Variants in DOCK8 observed in about 807,000 individuals in gnomAD.
DOCK8 encodes the protein dedicator of cytokinesis 8, also known as dedicator of cytokinesis protein 8.
DOCK8 carries 141 observed loss-of-function variants against 245.6 expected under a neutral mutation model. That is an observed-to-expected ratio of 0.57 (90% confidence interval 0.50 to 0.66). DOCK8 has a LOEUF of 0.66. Among genes scored for constraint, DOCK8 ranks in the 30% least tolerant of loss-of-function variants. The probability of loss-of-function intolerance (pLI) is 0.00; values close to 1 mark genes in which losing one functional copy is unlikely to be tolerated. For missense variants in DOCK8, 2,965 were observed against 2,603.4 expected (o/e 1.14, Z -3.02); for synonymous variants, 1,168 against 970.2 (o/e 1.20, Z -3.79).
At chr9:461,626 C>T (rs2057809333) in intron 46 of DOCK8, among the ~76,000 whole-genome samples, 2 of 148,908 alleles carry the variant, frequency 1.3e-5, no homozygotes, top group Admixed American at 6.7e-5. Flanking sequence ...ACTGCAACCT[C>T]CACCTCCCAG....
At chr9:214,657 G>C (rs369454345), upstream of DOCK8, 16 of 1,606,348 alleles carry the variant, frequency 1.0e-5, no homozygotes, top group Non-Finnish European at 1.4e-5. Flanking sequence ...CGCTCCCTTC[G>C]GCCGGAGGTC....
At chr9:234,611 T>C (rs532946883) in intron 1 of DOCK8, among the ~76,000 whole-genome samples, 92 of 152,342 alleles carry the variant, frequency 6.0e-4, no homozygotes, top group African/African-American at 2.2e-3. Flanking sequence ...TATTCTTTTT[T>C]CTGTAAACTT....
At chr9:402,976 G>A (rs1051597625) in intron 26 of DOCK8, among the ~76,000 whole-genome samples, 4 of 152,122 alleles carry the variant, frequency 2.6e-5, no homozygotes, top group East Asian at 3.9e-4. Context: ...TGCAAACTCC[G>A]CCTCACAGGT....
rs540206188 is a variant in DOCK8 at position 434,551 on chromosome 9, C to G, written c.4887-232C>G. On this transcript the variant is annotated intron_variant, in intron 38 of 47. Transcript: ENST00000432829. ...TATCAGGTATTTTTTCCCCATAAGG[C>G]TTTTACTAAGTACTATTTCTTGGAG... Among the ~76,000 whole-genome samples the G allele has an allele frequency of 9.9e-5, 15 of 152,140 alleles. No individual in the cohort carries two copies. The South Asian group carries it at 2.9e-3, about 30-fold the overall frequency.
chr9:351,838 A>C (rs1353268403), intron 14 of DOCK8, among the ~76,000 whole-genome samples: 1 of 152,244 alleles, frequency 6.6e-6, no homozygotes, highest in East Asian at 1.9e-4. Context: ...GTGGCATGTA[A>C]ACCCTGCATT....
intron 1 of DOCK8, among the ~76,000 whole-genome samples, chr9:222,449 C>A (rs1169778693): frequency 6.6e-6 from 1 of 152,140 alleles, no homozygotes; most frequent in Non-Finnish European, 1.5e-5. Flanking sequence ...CAAATTGACG[C>A]CCAGAAAAGG....
chr9:367,980 A>C (rs1449602463), intron 14 of DOCK8, 38 bp from the exon 15 acceptor site: 1 of 1,523,958 alleles, frequency 6.6e-7, no homozygotes, highest in Admixed American at 1.7e-5. Context: ...AATAAACTCT[A>C]GACCTTTTTC....
At chr9:243,688 C>G (rs2047432398) in intron 1 of DOCK8, among the ~76,000 whole-genome samples, 1 of 152,110 alleles carries the variant, frequency 6.6e-6, no homozygotes, top group African/African-American at 2.4e-5. Flanking sequence ...CCTGCAGCCT[C>G]AAGTGGTTCC....
At chr9:266,603 A>G (rs760989086) in intron 1 of DOCK8, among the ~76,000 whole-genome samples, 1 of 152,182 alleles carries the variant, frequency 6.6e-6, no homozygotes, top group African/African-American at 2.4e-5. Context: ...ACACTTTGCA[A>G]GCTCTACGCT....
At chr9:429,307 C>CA (rs1489664583) in intron 35 of DOCK8, among the ~76,000 whole-genome samples, 2 of 152,180 alleles carry the variant, frequency 1.3e-5, no homozygotes, top group Non-Finnish European at 2.9e-5. Context: ...GTGCCTTCTA[C>CA]ATGGGGTCTT....
chr9:305,840 C>G (rs2049802179), intron 5 of DOCK8, among the ~76,000 whole-genome samples: 1 of 147,916 alleles, frequency 6.8e-6, no homozygotes, highest in Non-Finnish European at 1.5e-5. Context: ...ATGCTCACAG[C>G]AGCATTATTC....
intron 1 of DOCK8, among the ~76,000 whole-genome samples, chr9:260,656 A>G (rs12336240): frequency 0.012 from 1,815 of 152,302 alleles, 38 homozygotes; most frequent in African/African-American, 0.041. Context: ...CTGGCAGAAA[A>G]CTAGAAACAA....
chr9:433,249 A>G (rs1214451918), intron 37 of DOCK8, among the ~76,000 whole-genome samples: 1 of 152,184 alleles, frequency 6.6e-6, no homozygotes, highest in East Asian at 1.9e-4. Flanking sequence ...CACCCAATGA[A>G]ATGACTCTAG....
chr9:452,784 G>A (rs553993242), intron 46 of DOCK8: 2 of 152,388 alleles, frequency 1.3e-5, no homozygotes, highest in East Asian at 3.8e-4. Flanking sequence ...TGTCAGACAA[G>A]TCTCATCTCT....
At chr9:212,786 A>G (rs552321425), upstream of DOCK8, 1 of 152,316 alleles carries the variant, frequency 6.6e-6, no homozygotes, top group Non-Finnish European at 1.5e-5. Context: ...CATTCACCCA[A>G]AAAGTTTCCT....
rs146940924 is a variant in DOCK8 at position 293,128 on chromosome 9, G to A, written c.404+3547G>A. 2.5e-3 allele frequency among the ~76,000 whole-genome samples: 385 copies of A among 152,302 alleles called. 2 individuals carry two copies. The highest frequency in any genetic ancestry group is 0.017 in the Middle Eastern group (5 of 294). ...TTCCCTTCTTAACGGTCACCTAGTG[G>A]ACAGGGAGAAGTGTACAACTTCAGA... On this transcript the variant is annotated intron_variant, in intron 4 of 47. Transcript: ENST00000432829.
At chr9:451,832 C>T (rs1052167070) in intron 45 of DOCK8, among the ~76,000 whole-genome samples, 179 bp from the exon 46 acceptor site, 1 of 149,334 alleles carries the variant, frequency 6.7e-6, no homozygotes, top group Admixed American at 6.7e-5. Context: ...AATTTAATTT[C>T]CTTCATATAT....
At chr9:445,856 G>A (rs1293089541) in intron 43 of DOCK8, among the ~76,000 whole-genome samples, 1 of 152,200 alleles carries the variant, frequency 6.6e-6, no homozygotes, top group Non-Finnish European at 1.5e-5. Context: ...CAATGGTAGT[G>A]CAGTTTAACT....
chr9:214,346 T>C (rs2046681240), upstream of DOCK8: 4 of 669,462 alleles, frequency 6.0e-6, no homozygotes, highest in African/African-American at 1.9e-5. Flanking sequence ...ATAATGTTTA[T>C]TCCTTGGATG....
Sources: gnomAD v4.1 joint callset for allele counts (sites outside exome capture counted in the v4.1 genomes callset) on GRCh38, gnomAD v4.1.1 for gene constraint, MANE v1.5 for transcripts, NCBI Gene and HGNC (gene_info 2026-07-23, HGNC 2026-07-21) for gene names.